The following DLGAP2 variants were observed in gnomAD, a reference collection of about 807,000 sequenced individuals.
The protein encoded by DLGAP2 is DLG associated protein 2.
DLGAP2 carries 26 observed loss-of-function variants against 100.3 expected under a neutral mutation model. The observed-to-expected ratio is 0.26, with a 90% CI of 0.19 to 0.36. The LOEUF is 0.36. DLGAP2 is among the 10% of genes least tolerant of loss of function. The pLI, the probability that DLGAP2 is intolerant of heterozygous loss-of-function variation, is 1.00. For synonymous variants in DLGAP2, 886 were observed against 630.1 expected, an observed-to-expected ratio of 1.41 and a Z score of -6.08; for missense variants, 1,858 against 1,453.2, an observed-to-expected ratio of 1.28 and a Z score of -4.53.
intron 2 of DLGAP2, among the ~76,000 whole-genome samples, chr8:1,077,088 C>A (rs558815305): frequency 3.7e-4 from 57 of 152,274 alleles, no homozygotes; most frequent in Admixed American, 3.7e-3. Flanking sequence ...TCCTGATTTG[C>A]TGTCAATGTT....
chr8:1,227,831 C>G (rs1485132817), intron 2 of DLGAP2, among the ~76,000 whole-genome samples: 2 of 152,070 alleles, frequency 1.3e-5, no homozygotes, highest in Non-Finnish European at 2.9e-5. Flanking sequence ...TATCATACAA[C>G]AGGAGAATTA....
rs138592072 is a variant in DLGAP2, at chr8:1,534,338, C to G, written c.173-14288C>G. Among the ~76,000 whole-genome samples the G allele has an allele frequency of 1.4e-3, 219 of 152,318 alleles. 2 individuals carry two copies. The highest frequency in any genetic ancestry group is 5.0e-3 in the African/African-American group (209 of 41,568). On this transcript the variant is annotated intron_variant, in intron 4 of 14. Transcript: ENST00000637795. ...AGGAATAATGAGATTAGGTTTACAA[C>G]TGATAGCAGCTTTCTTTTGTGCTTT...
intron 4 of DLGAP2, among the ~76,000 whole-genome samples, chr8:1,547,745 C>G (rs1801591880): frequency 6.6e-6 from 1 of 152,130 alleles, no homozygotes; most frequent in African/African-American, 2.4e-5. Flanking sequence ...CAGGGAAAGC[C>G]CATCACAGGC....
At chr8:1,468,015 G>A (rs770285272) in intron 3 of DLGAP2, among the ~76,000 whole-genome samples, 5 of 152,252 alleles carry the variant, frequency 3.3e-5, no homozygotes, top group Non-Finnish European at 5.9e-5. Context: ...TTCTAAGAGA[G>A]AATCTTTGTG....
At chr8:1,230,494 G>A (rs1193471313) in intron 2 of DLGAP2, among the ~76,000 whole-genome samples, 3 of 152,040 alleles carry the variant, frequency 2.0e-5, no homozygotes, top group Middle Eastern at 3.2e-3. Context: ...ATTTTTCACA[G>A]AACTAGAAAA....
intron 6 of DLGAP2, among the ~76,000 whole-genome samples, chr8:1,595,405 T>C (rs1404397943): frequency 6.6e-6 from 1 of 152,024 alleles, no homozygotes; most frequent in African/African-American, 2.4e-5. Context: ...GGCTCACGCC[T>C]GTAATCCCAG....
intron 2 of DLGAP2, among the ~76,000 whole-genome samples, chr8:1,051,677 A>G (rs1802716795): frequency 6.6e-6 from 1 of 152,126 alleles, no homozygotes; most frequent in South Asian, 2.1e-4. Flanking sequence ...TCTGGTCCAC[A>G]TCACAGTTTA....
At chr8:819,376 C>T (rs994392021) in intron 1 of DLGAP2, among the ~76,000 whole-genome samples, 1 of 152,126 alleles carries the variant, frequency 6.6e-6, no homozygotes, top group African/African-American at 2.4e-5. Flanking sequence ...TTCCGTGAAA[C>T]AGGTCAAGAT....
At chr8:1,208,130 A>G (rs1798032684) in intron 2 of DLGAP2, among the ~76,000 whole-genome samples, 1 of 152,138 alleles carries the variant, frequency 6.6e-6, no homozygotes, top group African/African-American at 2.4e-5. Context: ...CTCATGAAGT[A>G]TTTGCCTAAG....
At chr8:1,263,361 G>A (rs769035428) in intron 3 of DLGAP2, among the ~76,000 whole-genome samples, 1 of 151,996 alleles carries the variant, frequency 6.6e-6, no homozygotes, top group African/African-American at 2.4e-5. Flanking sequence ...TTTGGTTATT[G>A]GAAAACACAA....
intron 2 of DLGAP2, among the ~76,000 whole-genome samples, chr8:1,066,252 G>A (rs977014089): frequency 4.6e-5 from 7 of 150,544 alleles, no homozygotes; most frequent in Admixed American, 6.6e-5. Context: ...TCCCCACCAC[G>A]GTCAGGTCTG....
chr8:977,813 T>A (rs1800209243), intron 2 of DLGAP2, among the ~76,000 whole-genome samples: 1 of 73,946 alleles, frequency 1.4e-5, no homozygotes, highest in Non-Finnish European at 3.2e-5. Context: ...TGGGTTCTGG[T>A]CTTTGGTGTT....
Position 926,398 on chromosome 8 carries a change from C to G in DLGAP2, c.73+18432C>G, listed in dbSNP as rs1315314359. 3.9e-5 allele frequency among the ~76,000 whole-genome samples: 6 copies of G among 152,214 alleles called. No individual in the cohort carries two copies. The East Asian group carries it at 1.2e-3, about 29-fold the overall frequency. On this transcript the variant is annotated intron_variant, in intron 2 of 14. Transcript: ENST00000637795. ...CCAGTGCACCTGTGTGGCCCTGGCCCTGTGGCAGGCCCTGCCTCCAGGTCG... is the reference window on the plus strand; with the variant it reads ...CCAGTGCACCTGTGTGGCCCTGGCCGTGTGGCAGGCCCTGCCTCCAGGTCG...
chr8:1,274,662 G>A (rs988569781), intron 3 of DLGAP2, among the ~76,000 whole-genome samples: 14 of 114,788 alleles, frequency 1.2e-4, no homozygotes, highest in African/African-American at 4.3e-4. Context: ...AGTGACTTTG[G>A]ATTTGTTTTC....
At chr8:941,705 C>G (rs1446836276) in intron 2 of DLGAP2, among the ~76,000 whole-genome samples, 1 of 152,190 alleles carries the variant, frequency 6.6e-6, no homozygotes, top group African/African-American at 2.4e-5. Context: ...TGTTATTATT[C>G]TTTGTGCGGC....
chr8:1,074,516 G>A (rs186734362), intron 2 of DLGAP2, among the ~76,000 whole-genome samples: 6 of 152,330 alleles, frequency 3.9e-5, no homozygotes, highest in African/African-American at 1.4e-4. Flanking sequence ...CGGGGACAGA[G>A]AGAGCTCCCA....
intron 2 of DLGAP2, among the ~76,000 whole-genome samples, chr8:967,552 C>G (rs554885131): frequency 1.2e-4 from 18 of 151,544 alleles, no homozygotes; most frequent in Non-Finnish European, 2.1e-4. Context: ...GAATTCAATT[C>G]AGAGCAAGAG....
At position 1,384,499 on chromosome 8, in the gene DLGAP2, G is replaced by A. The variant is rs55680579; in HGVS notation, c.107-116867G>A. ...CCTGAGAACTTGGTGCACAGTTACC[G>A]CGGCCTGTGCCCGGCCCCTGAGAAC... On this transcript the variant is annotated intron_variant, in intron 3 of 14. Transcript: ENST00000637795. 1.3e-4 allele frequency among the ~76,000 whole-genome samples: 4 copies of A among 30,984 alleles called. 1 individual carries two copies. The highest frequency in any genetic ancestry group is 2.2e-4 in the African/African-American group (2 of 8,898). 20.3% of individuals were successfully genotyped at this position (30,984 alleles called of 152,430 possible). A position where few individuals can be genotyped will look rare whatever the true frequency, so the allele number is the denominator to read the frequency against.
intron 3 of DLGAP2, among the ~76,000 whole-genome samples, chr8:1,328,796 G>A (rs562762786): frequency 2.0e-5 from 3 of 152,350 alleles, no homozygotes; most frequent in South Asian, 2.1e-4. Flanking sequence ...TGCCGCTTAC[G>A]TATCGGGGTG....
Sources: gnomAD v4.1 joint callset for allele counts (sites outside exome capture counted in the v4.1 genomes callset) on GRCh38, gnomAD v4.1.1 for gene constraint, MANE v1.5 for transcripts, NCBI Gene and HGNC (gene_info 2026-07-23, HGNC 2026-07-21) for gene names.